SLC24A2: variants seen among roughly 807,000 people sequenced by gnomAD.
SLC24A2 encodes sodium/potassium/calcium exchanger 2.
In SLC24A2, 36 loss-of-function variants were observed where a neutral mutation model predicts 62.0. The observed-to-expected ratio is 0.58, with a 90% confidence interval of 0.44 to 0.77. SLC24A2 has a LOEUF of 0.77. SLC24A2 is among the 30% of genes least tolerant of loss of function. The probability of loss-of-function intolerance (pLI) is 0.00; values close to 1 mark genes in which losing one functional copy is unlikely to be tolerated. For missense variants in SLC24A2, 846 were observed against 817.9 expected (o/e 1.03, Z -0.42); for synonymous variants, 358 against 294.0 (o/e 1.22, Z -2.23).
At chr9:20,297,537 C>A in the SLC24A2 span, among the ~76,000 whole-genome samples, 1 of 152,336 alleles carries the variant, frequency 6.6e-6, no homozygotes, top group African/African-American at 2.4e-5. Flanking sequence ...TGATTAGTCA[C>A]TGGCCAGATG....
chr9:19,740,407 A>T (rs1057458163), intron 2 of SLC24A2, among the ~76,000 whole-genome samples: 1 of 152,234 alleles, frequency 6.6e-6, no homozygotes, highest in Non-Finnish European at 1.5e-5. Context: ...TAAAAATAAA[A>T]CTATGGCTAT....
chr9:20,016,585 G>T, the SLC24A2 span, among the ~76,000 whole-genome samples: 1 of 152,152 alleles, frequency 6.6e-6, no homozygotes, highest in East Asian at 1.9e-4. Context: ...AATAAACTGT[G>T]AACTATGTAT....
chr9:20,151,392 C>G, the SLC24A2 span, among the ~76,000 whole-genome samples: 1 of 151,994 alleles, frequency 6.6e-6, no homozygotes, highest in African/African-American at 2.4e-5. Context: ...TGGCTTAACA[C>G]AATCAATCTT....
intron 2 of SLC24A2, among the ~76,000 whole-genome samples, chr9:19,707,840 G>T (rs1490457183): frequency 2.6e-5 from 4 of 152,118 alleles, no homozygotes; most frequent in South Asian, 4.2e-4. Flanking sequence ...TTTGAAAGCT[G>T]GCACAAGACA....
intron 7 of SLC24A2, among the ~76,000 whole-genome samples, chr9:19,571,422 G>T (rs1383877791): frequency 1.3e-5 from 2 of 152,038 alleles, no homozygotes; most frequent in Non-Finnish European, 2.9e-5. Context: ...CTTAAGAAGT[G>T]GCTGCTAGGT....
intron 2 of SLC24A2, among the ~76,000 whole-genome samples, chr9:19,738,834 T>C (rs1208719387): frequency 6.6e-6 from 1 of 151,982 alleles, no homozygotes; most frequent in Non-Finnish European, 1.5e-5. Context: ...AAATCATATA[T>C]CTAGCCAGGC....
At chr9:20,143,764 CAAATTGGTA>C in the SLC24A2 span, among the ~76,000 whole-genome samples, 3 of 152,088 alleles carry the variant, frequency 2.0e-5, no homozygotes, top group Non-Finnish European at 4.4e-5. Context: ...AAATTATTTC[CAAATTGGTA>C]TTCTGAAAAG....
At chr9:19,623,292 C>T (rs956482506) in intron 2 of SLC24A2, among the ~76,000 whole-genome samples, 6 of 152,180 alleles carry the variant, frequency 3.9e-5, no homozygotes, top group Non-Finnish European at 5.9e-5. Flanking sequence ...GAACCCTTCC[C>T]CTGTCTGGCC....
At chr9:20,080,652 C>T in the SLC24A2 span, among the ~76,000 whole-genome samples, 3 of 152,172 alleles carry the variant, frequency 2.0e-5, no homozygotes, top group African/African-American at 7.2e-5. Flanking sequence ...AAAAGAGCTT[C>T]TGCACAGCAA....
At chr9:20,188,646 G>A in the SLC24A2 span, among the ~76,000 whole-genome samples, 1 of 152,104 alleles carries the variant, frequency 6.6e-6, no homozygotes, top group African/African-American at 2.4e-5. Context: ...CAAGAGGGAG[G>A]CAGAAGGGTC....
intron 2 of SLC24A2, among the ~76,000 whole-genome samples, chr9:19,729,248 T>G (rs4977235): frequency 0.18 from 27,014 of 152,178 alleles, 2,595 homozygotes; most frequent in Non-Finnish European, 0.22. Context: ...ATGCTGGTAG[T>G]GACTCTTATA....
At chr9:20,305,703 A>G in the SLC24A2 span, among the ~76,000 whole-genome samples, 2 of 152,224 alleles carry the variant, frequency 1.3e-5, no homozygotes, top group Non-Finnish European at 2.9e-5. Flanking sequence ...ATCCCAGTAT[A>G]TAGATGAGGA....
the SLC24A2 span, among the ~76,000 whole-genome samples, chr9:20,274,308 G>A: frequency 6.6e-6 from 1 of 152,316 alleles, no homozygotes; most frequent in Admixed American, 6.5e-5. Flanking sequence ...AGGAGATCAT[G>A]TGGTTATGTG....
chr9:20,155,359 C>T, the SLC24A2 span, among the ~76,000 whole-genome samples: 4 of 151,692 alleles, frequency 2.6e-5, no homozygotes, highest in African/African-American at 7.3e-5. Flanking sequence ...GCAAGGACTC[C>T]TAATATTGGA....
chr9:20,263,888 C>T, the SLC24A2 span, among the ~76,000 whole-genome samples: 1 of 131,462 alleles, frequency 7.6e-6, no homozygotes, highest in East Asian at 2.7e-4. Context: ...AAGGCTCTAA[C>T]ACAATGAAGG....
chr9:20,127,232 T>A, the SLC24A2 span, among the ~76,000 whole-genome samples: 1 of 152,124 alleles, frequency 6.6e-6, no homozygotes, highest in Non-Finnish European at 1.5e-5. Flanking sequence ...TCCTCTCAAT[T>A]ATCTAAGCCT....
At chr9:19,979,027 T>A in the SLC24A2 span, among the ~76,000 whole-genome samples, 3 of 152,120 alleles carry the variant, frequency 2.0e-5, no homozygotes, top group Admixed American at 2.0e-4. Flanking sequence ...CTTTTTTAAG[T>A]GGTAAATTAG....
the SLC24A2 span, among the ~76,000 whole-genome samples, chr9:20,239,072 C>G: frequency 2.0e-5 from 3 of 152,168 alleles, no homozygotes; most frequent in African/African-American, 7.2e-5. Flanking sequence ...ATAAATTTCT[C>G]TTCTTTAAGC....
chr9:19,735,523 T>C (rs1003479759), intron 2 of SLC24A2, among the ~76,000 whole-genome samples: 10 of 152,166 alleles, frequency 6.6e-5, no homozygotes, highest in Non-Finnish European at 1.3e-4. Flanking sequence ...ACCCAAAGGA[T>C]TATAAATCAT....
Sources: gnomAD v4.1 joint callset for allele counts (sites outside exome capture counted in the v4.1 genomes callset) on GRCh38, gnomAD v4.1.1 for gene constraint, MANE v1.5 for transcripts, NCBI Gene and HGNC (gene_info 2026-07-23, HGNC 2026-07-21) for gene names.